Variants in DLGAP1 observed in about 807,000 individuals in gnomAD.
The protein encoded by DLGAP1 is disks large-associated protein 1.
A neutral mutation model predicts 90.8 loss-of-function variants in DLGAP1; 11 were observed. That is an observed-to-expected ratio of 0.12 (90% CI 0.08 to 0.20). DLGAP1 has a LOEUF of 0.20. Among genes scored for constraint, DLGAP1 ranks in the 10% least tolerant of loss-of-function variants. The pLI is 1.00. For missense variants in DLGAP1, 1,050 were observed against 1,333.8 expected, an observed-to-expected ratio of 0.79 and a Z score of 3.31; for synonymous variants, 558 against 540.7, an observed-to-expected ratio of 1.03 and a Z score of -0.44.
At position 3,709,644 on chromosome 18, in the gene DLGAP1, T is replaced by G. The variant is rs538571330; in HGVS notation, c.1591+19491A>C. 1.9e-3 allele frequency among the ~76,000 whole-genome samples: 295 copies of G among 152,286 alleles called. 2 individuals carry two copies. The highest frequency in any genetic ancestry group is 3.3e-3 in the Non-Finnish European group (225 of 68,026). On this transcript the variant is annotated intron_variant, in intron 7 of 12. Transcript: ENST00000315677. Reference sequence around the variant, plus strand: ...AAAGCAGCAGTGCAGAAATTGAAGATTTAGCACATGGTATTGACATGAAAA... The same window carrying G: ...AAAGCAGCAGTGCAGAAATTGAAGAGTTAGCACATGGTATTGACATGAAAA...
At chr18:3,629,658 T>C (rs765185487) in intron 7 of DLGAP1, among the ~76,000 whole-genome samples, 47 of 151,678 alleles carry the variant, frequency 3.1e-4, no homozygotes, top group Non-Finnish European at 5.0e-4. Flanking sequence ...GGCAACAGAG[T>C]GAGACTCTGT....
chr18:3,938,128 G>A (rs2072683113), intron 3 of DLGAP1, among the ~76,000 whole-genome samples: 1 of 152,208 alleles, frequency 6.6e-6, no homozygotes. Context: ...AGCAACACAG[G>A]CACTAGAAGC....
At chr18:4,199,674 T>C (rs552808198) in intron 1 of DLGAP1, among the ~76,000 whole-genome samples, 63 of 152,360 alleles carry the variant, frequency 4.1e-4, no homozygotes, top group African/African-American at 1.4e-3. Flanking sequence ...TGGAAAACTA[T>C]GTGATGGGGA....
intron 3 of DLGAP1, among the ~76,000 whole-genome samples, chr18:3,911,110 G>A (rs2072023824): frequency 6.6e-6 from 1 of 152,178 alleles, no homozygotes; most frequent in Admixed American, 6.5e-5. Flanking sequence ...GATGGTAAAT[G>A]CCTATCAGGT....
Position 3,526,897 on chromosome 18 carries a change from A to G in DLGAP1, c.2479+7297T>C, listed in dbSNP as rs1004669490. Among the ~76,000 whole-genome samples the G allele has an allele frequency of 6.6e-6, 1 of 152,170 alleles. No homozygotes were observed. The highest frequency in any genetic ancestry group is 6.5e-5 in the Admixed American group (1 of 15,270). Reference sequence around the variant, plus strand: ...GAAGAGCTCGTATCATTTTACTTCAAGTGCTGCGGGAACAAGCATTCTGTC... The same window carrying G: ...GAAGAGCTCGTATCATTTTACTTCAGGTGCTGCGGGAACAAGCATTCTGTC... On this transcript the variant is annotated intron_variant, in intron 10 of 12. Coordinates refer to ENST00000315677, the MANE Select transcript of DLGAP1 (RefSeq NM_004746.4). The surrounding 1 kb of genome is among the most constrained non-coding windows in gnomAD (Gnocchi z 4.7).
At chr18:4,294,384 T>C (rs1468869141) in intron 1 of DLGAP1, 2 of 152,224 alleles carry the variant, frequency 1.3e-5, no homozygotes, top group Non-Finnish European at 2.9e-5. Context: ...AGACCACACA[T>C]GTCCTCTGCC....
At chr18:3,739,786 A>AAAAAAAAG (rs1463240204) in intron 6 of DLGAP1, among the ~76,000 whole-genome samples, 1 of 34,590 alleles carries the variant, frequency 2.9e-5, no homozygotes, top group Non-Finnish European at 5.1e-5. Flanking sequence ...AAATAAAAGA[A>AAAAAAAAG]AAAAAAAGAT....
chr18:3,961,990 C>A (rs532661984), intron 3 of DLGAP1, among the ~76,000 whole-genome samples: 4 of 152,110 alleles, frequency 2.6e-5, no homozygotes, highest in African/African-American at 9.7e-5. Context: ...GTAAAGGATC[C>A]CTTCGCCGTG....
chr18:3,600,847 G>GATATATATAGATATATAGATATATAGAT lies in DLGAP1; in HGVS notation c.1592-18600_1592-18599insATCTATATATCTATATATCTATATATAT, dbSNP rs373444350. Reference sequence around the variant, plus strand: ...ATATAGATATATATAGATATATATAGATATATAGATATATATAGATATATA... The same window carrying GATATATATAGATATATAGATATATAGAT: ...ATATAGATATATATAGATATATATAGATATATATAGATATATAGATATATAGATATATATAGATATATATAGATATATA... On this transcript the variant is annotated intron_variant, in intron 7 of 12. Coordinates refer to ENST00000315677, the MANE Select transcript of DLGAP1 (RefSeq NM_004746.4). 8.8e-4 allele frequency among the ~76,000 whole-genome samples: 24 copies of GATATATATAGATATATAGATATATAGAT among 27,358 alleles called. 2 individuals carry two copies. The highest frequency in any genetic ancestry group is 3.2e-3 in the African/African-American group (22 of 6,824). The allele number at this position is 27,358 out of a possible 152,430, so 17.9% of individuals were successfully genotyped here.
chr18:4,228,234 G>A (rs2078232355), intron 1 of DLGAP1, among the ~76,000 whole-genome samples: 1 of 151,902 alleles, frequency 6.6e-6, no homozygotes, highest in African/African-American at 2.4e-5. Context: ...GCAAAGATAA[G>A]CCTGGGACCT....
chr18:3,941,649 C>A (rs1036093347), intron 3 of DLGAP1, among the ~76,000 whole-genome samples: 1 of 152,152 alleles, frequency 6.6e-6, no homozygotes, highest in Non-Finnish European at 1.5e-5. Context: ...AATAACAGAA[C>A]TTAATATTTT....
At chr18:4,234,634 C>A (rs1307208507) in intron 1 of DLGAP1, among the ~76,000 whole-genome samples, 2 of 152,008 alleles carry the variant, frequency 1.3e-5, no homozygotes, top group Non-Finnish European at 2.9e-5. Context: ...ATTATAAAAA[C>A]AATAACACTT....
At chr18:3,816,776 C>T (rs537966838) in intron 4 of DLGAP1, among the ~76,000 whole-genome samples, 1 of 152,260 alleles carries the variant, frequency 6.6e-6, no homozygotes, top group Admixed American at 6.5e-5. Flanking sequence ...GAGGCAGTTC[C>T]TAGGGCCATA....
At chr18:3,959,239 G>A (rs2073143999) in intron 3 of DLGAP1, among the ~76,000 whole-genome samples, 1 of 152,164 alleles carries the variant, frequency 6.6e-6, no homozygotes, top group South Asian at 2.1e-4. Context: ...TTAGCGAGAG[G>A]AATCTTTAAA....
intron 1 of DLGAP1, among the ~76,000 whole-genome samples, chr18:4,208,484 G>A (rs1401424362): frequency 6.6e-6 from 1 of 152,190 alleles, no homozygotes; most frequent in African/African-American, 2.4e-5. Flanking sequence ...CTGAGCCATA[G>A]GTGGAGTTGG....
intron 7 of DLGAP1, among the ~76,000 whole-genome samples, chr18:3,647,569 G>A (rs2059164867): frequency 2.0e-5 from 3 of 151,586 alleles, no homozygotes; most frequent in Admixed American, 6.6e-5. Context: ...GGGTTCAAGC[G>A]ATTCTCCTGC....
chr18:3,623,725 C>G (rs1472623760), intron 7 of DLGAP1, among the ~76,000 whole-genome samples: 3 of 146,320 alleles, frequency 2.1e-5, no homozygotes, highest in Non-Finnish European at 4.4e-5. Context: ...TGCAGTGAGC[C>G]GAGGTCACAC....
chr18:3,498,891 T>G lies in DLGAP1; in HGVS notation c.*294A>C. On this transcript the variant is annotated 3_prime_UTR_variant, in exon 13 of 13. Coordinates refer to ENST00000315677, the MANE Select transcript of DLGAP1 (RefSeq NM_004746.4). Reference sequence around the variant, plus strand: ...CCTAAAGGCATCACTTCTACACAGGTGGGTTTGGCTTTGCCCAGAAAATAA... The same window carrying G: ...CCTAAAGGCATCACTTCTACACAGGGGGGTTTGGCTTTGCCCAGAAAATAA... 1 of 427,878 alleles carries G rather than the reference T, an allele frequency of 2.3e-6. No homozygotes were observed. Among genetic ancestry groups the G allele is most frequent in the Non-Finnish European group, 4.2e-6 (1 of 240,928 alleles). The allele number at this position is 427,878 out of a possible 1,614,324, so 26.5% of individuals were successfully genotyped here.
chr18:3,580,085 A>C (rs189146880), intron 8 of DLGAP1: 1 of 798,956 alleles, frequency 1.3e-6, no homozygotes, highest in East Asian at 2.5e-5. Flanking sequence ...ATGTTCTTTG[A>C]ATTATCCTGC....
Sources: gnomAD v4.1 joint callset for allele counts (sites outside exome capture counted in the v4.1 genomes callset) on GRCh38, gnomAD v4.1.1 for gene constraint, Gnocchi (gnomAD v3.1) non-coding constraint, MANE v1.5 for transcripts, NCBI Gene and HGNC (gene_info 2026-07-23, HGNC 2026-07-21) for gene names.